ARHGEF11: variants seen among roughly 807,000 people sequenced by gnomAD.
The protein encoded by ARHGEF11 is Rho guanine exchange factor (GEF) 11.
A neutral mutation model predicts 193.7 loss-of-function variants in ARHGEF11; 55 were observed. That is an observed-to-expected ratio of 0.28 (90% CI 0.23 to 0.36). ARHGEF11 has a LOEUF of 0.36. Among genes scored for constraint, ARHGEF11 ranks in the 10% least tolerant of loss-of-function variants. ARHGEF11 has a pLI of 1.00. For missense variants in ARHGEF11, 1,723 were observed against 2,005.6 expected (o/e 0.86, Z 2.69); for synonymous variants, 693 against 768.0 (o/e 0.90, Z 1.62).
chr1:156,961,550 T>A (rs988334012), intron 14 of ARHGEF11, 127 bp downstream of exon 14: 4 of 762,254 alleles, frequency 5.2e-6, no homozygotes, highest in Non-Finnish European at 8.8e-6. Flanking sequence ...GGAATATTAA[T>A]CTCTCAGCCT....
At chr1:157,023,487 C>T (rs1280217075) in intron 1 of ARHGEF11, among the ~76,000 whole-genome samples, 1 of 152,130 alleles carries the variant, frequency 6.6e-6, no homozygotes, top group Admixed American at 6.5e-5. Context: ...GATAATAGGC[C>T]AGGCACGGTG....
At chr1:157,017,639 G>A (rs368751178) in intron 1 of ARHGEF11, among the ~76,000 whole-genome samples, 1 of 150,712 alleles carries the variant, frequency 6.6e-6, no homozygotes, top group East Asian at 2.0e-4. Context: ...CCCAGGAGGT[G>A]GAGGTTGCAG....
At position 156,937,502 on chromosome 1, in the gene ARHGEF11, C is replaced by G. The variant is rs376999050; in HGVS notation, c.4193-6G>C. 143 of 1,516,414 alleles carry G rather than the reference C, an allele frequency of 9.4e-5. No homozygotes were observed. The highest frequency in any genetic ancestry group is 1.2e-4 in the Non-Finnish European group (137 of 1,133,906). The allele number at this position is 1,516,414 out of a possible 1,614,324, so 93.9% of individuals were successfully genotyped here. On this transcript the variant is annotated splice_region_variant and splice_polypyrimidine_tract_variant and intron_variant, in intron 38 of 40. Transcript: ENST00000368194. Reference sequence around the variant, plus strand: ...GCTGACATAAAAGCAGTTCCCTGTCCCCACAGTAAGAGAATGAGATCAGGA... The same window carrying G: ...GCTGACATAAAAGCAGTTCCCTGTCGCCACAGTAAGAGAATGAGATCAGGA...
chr1:156,960,547 A>G, intron 14 of ARHGEF11, 87 bp from the exon 15 acceptor site: 1 of 1,305,438 alleles, frequency 7.7e-7, no homozygotes, highest in South Asian at 1.2e-5. Context: ...GGGCTTGGCC[A>G]CATGAACTTC....
At chr1:156,973,042 CT>C (rs899610264) in intron 7 of ARHGEF11, among the ~76,000 whole-genome samples, 2 of 151,972 alleles carry the variant, frequency 1.3e-5, no homozygotes, top group Non-Finnish European at 1.5e-5. Flanking sequence ...TTCACAGCCA[CT>C]TTTTTTTCTT....
chr1:156,975,535 C>T (rs1440736812), intron 7 of ARHGEF11, among the ~76,000 whole-genome samples: 5 of 152,170 alleles, frequency 3.3e-5, no homozygotes, highest in Non-Finnish European at 7.4e-5. Flanking sequence ...AATCCTTTGA[C>T]ATATACAAGC....
upstream of ARHGEF11, among the ~76,000 whole-genome samples, chr1:157,046,857 C>T (rs1349770414): frequency 4.6e-5 from 7 of 151,088 alleles, no homozygotes; most frequent in East Asian, 1.4e-3. Flanking sequence ...ACTAAAAATA[C>T]AAAACTAGCC....
At chr1:156,976,727 G>A (rs1240740446) in intron 7 of ARHGEF11, among the ~76,000 whole-genome samples, 3 of 152,016 alleles carry the variant, frequency 2.0e-5, no homozygotes. Flanking sequence ...AAACTCTGTT[G>A]ACTTTTTTTT....
At position 156,963,459 on chromosome 1, in the gene ARHGEF11, G is replaced by A; in HGVS notation, c.1038+61C>T. 1.9e-6 allele frequency: 3 copies of A among 1,568,342 alleles called. No homozygotes were observed. In the African/African-American group the frequency reaches 4.1e-5, roughly 21 times the overall value. On this transcript the variant is annotated intron_variant, in intron 12 of 40. Transcript: ENST00000368194. ...GCTGATGCTAGTCAAACTGCTTCTA[G>A]TCAAGAGCAGCTTGTATGACAAAAA...
Position 156,945,048 on chromosome 1 carries a change from C to A in ARHGEF11, c.2962G>T (p.Ala988Ser), listed in dbSNP as rs765177396. Residue 988 changes from alanine (A) to serine (S), a missense_variant, in exon 30 of 41, where the codon GCC becomes TCC. Around this residue, in one of 5 missense-constraint regions of ARHGEF11, gnomAD observed 491 missense variants for 654.5 expected, o/e 0.75. Transcript: ENST00000368194. Reference protein sequence around the residue: ...KRLDATALERASNPLAAEFKS... With the variant: ...KRLDATALERSSNPLAAEFKS... ...AACTCTGCTGCCAGGGGGTTGCTGG[C>A]CCTCTCCAGGGCGGTGGCATCCAGG... 14 of 1,613,964 alleles carry A rather than the reference C, an allele frequency of 8.7e-6. No individual in the cohort carries two copies. In the South Asian group the frequency reaches 1.5e-4, roughly 18 times the overall value.
intron 22 of ARHGEF11, among the ~76,000 whole-genome samples, chr1:156,950,625 G>A (rs1557844747): frequency 6.6e-6 from 1 of 152,002 alleles, no homozygotes; most frequent in Admixed American, 6.6e-5. Context: ...GGGTGACAGA[G>A]AAAGATCCTG....
At chr1:156,958,024 T>C (rs910012261) in intron 17 of ARHGEF11, among the ~76,000 whole-genome samples, 11 of 152,238 alleles carry the variant, frequency 7.2e-5, no homozygotes, top group Admixed American at 2.6e-4. Flanking sequence ...TAGCAGAGAC[T>C]GCATAGGTTT....
At chr1:157,002,054 G>A (rs530909266) in intron 1 of ARHGEF11, among the ~76,000 whole-genome samples, 8 of 152,280 alleles carry the variant, frequency 5.3e-5, no homozygotes, top group South Asian at 4.2e-4. Flanking sequence ...ATTGGGAAGC[G>A]GGGCGGTGAA....
At chr1:156,976,899 TA>T in intron 7 of ARHGEF11, 83 bp downstream of exon 7, 1 of 1,250,276 alleles carries the variant, frequency 8.0e-7, no homozygotes, top group Non-Finnish European at 1.2e-6. Flanking sequence ...GCCTGTAAAT[TA>T]AGTTGTGTAC....
chr1:156,997,100 C>A (rs1244281385), intron 1 of ARHGEF11, among the ~76,000 whole-genome samples: 2 of 151,684 alleles, frequency 1.3e-5, no homozygotes, highest in African/African-American at 4.8e-5. Flanking sequence ...AACTCCTAGG[C>A]TCAAGCAATC....
At chr1:156,951,838 T>G in intron 21 of ARHGEF11, 139 bp from the exon 22 acceptor site, 1 of 1,132,124 alleles carries the variant, frequency 8.8e-7, no homozygotes, top group Non-Finnish European at 1.3e-6. Flanking sequence ...AGTCAGGAGA[T>G]GTGTTCTGGT....
At position 156,940,303 on chromosome 1, in the gene ARHGEF11, C is replaced by T. The variant is rs1205406139; in HGVS notation, c.3637G>A (p.Gly1213Arg). ...VLPCPSTSLDGENRGIRTRNP... is the reference protein window; with the variant it reads ...VLPCPSTSLDRENRGIRTRNP... ...CTTGTCCTGATGCCCCTGTTCTCTC[C>T]ATCCAGGGATGTGGAAGGGCAAGGC... The change falls in exon 36 of 41, where the codon GGA (glycine) becomes AGA (arginine). Residue 1213 changes from glycine (G) to arginine (R), a missense_variant. Gly to Arg is a moderately radical substitution (Grantham distance 125). Around this residue, in one of 5 missense-constraint regions of ARHGEF11, gnomAD observed 203 missense variants for 237.3 expected, o/e 0.86. Transcript: ENST00000368194. The T allele has an allele frequency of 6.2e-7, 1 of 1,613,758 alleles. No individual in the cohort carries two copies. Among genetic ancestry groups the T allele is most frequent in the Non-Finnish European group, 8.5e-7 (1 of 1,179,786 alleles).
intron 1 of ARHGEF11, among the ~76,000 whole-genome samples, chr1:157,030,705 TC>T (rs796811873): frequency 1.3e-5 from 2 of 152,088 alleles, no homozygotes; most frequent in African/African-American, 4.8e-5. Flanking sequence ...AAATCCCAAC[TC>T]CATTACTTCT....
At chr1:157,046,604 G>A (rs1035953032), upstream of ARHGEF11, among the ~76,000 whole-genome samples, 1 of 143,232 alleles carries the variant, frequency 7.0e-6, no homozygotes, top group African/African-American at 2.5e-5. Context: ...TCTCGGGTTG[G>A]GTTGGGCATC....
Sources: gnomAD v4.1 joint callset for allele counts (sites outside exome capture counted in the v4.1 genomes callset) on GRCh38, gnomAD v4.1.1 for gene constraint, gnomAD v4.1.1 regional missense constraint, MANE v1.5 for transcripts, NCBI Gene and HGNC (gene_info 2026-07-23, HGNC 2026-07-21) for gene names.